The following EMCN variants were observed in gnomAD, a reference collection of about 807,000 sequenced individuals.
EMCN encodes MUC-14.
Under a neutral mutation model 38.4 loss-of-function variants are expected in EMCN, and 37 were observed. The ratio of observed to expected loss-of-function variants is 0.96; its 90% confidence interval spans 0.74 to 1.27. The LOEUF is 1.27. EMCN is among the 50% of genes most tolerant of loss of function. The probability of loss-of-function intolerance (pLI) is 0.00; values close to 1 mark genes in which losing one functional copy is unlikely to be tolerated. For missense variants in EMCN, 318 were observed against 302.8 expected (o/e 1.05, Z -0.37); for synonymous variants, 95 against 100.8 (o/e 0.94, Z 0.35).
At chr4:100,496,634 G>T (rs1457701497) in intron 1 of EMCN, among the ~76,000 whole-genome samples, 2 of 152,090 alleles carry the variant, frequency 1.3e-5, no homozygotes, top group African/African-American at 2.4e-5. Context: ...CTCTAGACAG[G>T]TATCATTAAC....
In EMCN at chr4:100,415,968, A is replaced by G; in HGVS notation, c.690-9T>C. 3 of 1,569,662 alleles carry G rather than the reference A, an allele frequency of 1.9e-6. No homozygotes were observed. Among genetic ancestry groups the G allele is most frequent in the Non-Finnish European group, 2.6e-6 (3 of 1,157,364 alleles). On this transcript the variant is annotated splice_polypyrimidine_tract_variant and intron_variant, in intron 9 of 11. Transcript: ENST00000296420. ...CTTTATCAGACTGAGGTCTATTTGA[A>G]AAAAAAAACATGAAATTAACACCAC...
chr4:100,451,766 G>T (rs1339896145), intron 4 of EMCN, among the ~76,000 whole-genome samples: 2 of 151,848 alleles, frequency 1.3e-5, no homozygotes, highest in South Asian at 2.1e-4. Context: ...TGTGAAATTG[G>T]TATCATATAT....
chr4:100,455,980 A>T (rs533244660), intron 4 of EMCN, among the ~76,000 whole-genome samples: 9 of 151,996 alleles, frequency 5.9e-5, no homozygotes, highest in Non-Finnish European at 1.2e-4. Context: ...TTTTTTGTAG[A>T]GACAGGGTTT....
Position 100,473,373 on chromosome 4 carries a change from G to GTTTTTTTTTTTTTTT in EMCN, c.259+1664_259+1665insAAAAAAAAAAAAAAA, listed in dbSNP as rs1256284835. Among the ~76,000 whole-genome samples the GTTTTTTTTTTTTTTT allele has an allele frequency of 1.2e-3, 80 of 66,006 alleles. 3 individuals are homozygous for GTTTTTTTTTTTTTTT. Among genetic ancestry groups the GTTTTTTTTTTTTTTT allele is most frequent in the East Asian group, 2.1e-3 (4 of 1,892 alleles). The allele number at this position is 66,006 out of a possible 152,430, so 43.3% of individuals were successfully genotyped here. ...GGCATTTCCCGTTTCGTGTTTTTTT[G>GTTTTTTTTTTTTTTT]TTTTTTTTTTTTGTTTTTTTTTTTG... On this transcript the variant is annotated intron_variant, in intron 3 of 11. Transcript: ENST00000296420.
intron 5 of EMCN, among the ~76,000 whole-genome samples, chr4:100,440,372 T>A (rs930629187): frequency 3.3e-5 from 5 of 152,110 alleles, no homozygotes; most frequent in African/African-American, 1.2e-4. Flanking sequence ...ATGTGCAGTT[T>A]GTATTCCTAG....
intron 7 of EMCN, 34 bp from the exon 8 acceptor site, chr4:100,421,411 G>A (rs953465392): frequency 1.3e-6 from 2 of 1,549,974 alleles, no homozygotes; most frequent in Non-Finnish European, 1.8e-6. Context: ...CAATTAGAGT[G>A]GCTACTGAAT....
intron 5 of EMCN, among the ~76,000 whole-genome samples, chr4:100,444,433 G>A (rs1727610686): frequency 6.6e-6 from 1 of 152,150 alleles, no homozygotes; most frequent in African/African-American, 2.4e-5. Flanking sequence ...TACTGCTCTA[G>A]TGTAAGTCTG....
At chr4:100,399,372 A>G (rs1726195268) in intron 11 of EMCN, among the ~76,000 whole-genome samples, 1 of 152,010 alleles carries the variant, frequency 6.6e-6, no homozygotes, top group Admixed American at 6.6e-5. Context: ...GGGGAGTGGT[A>G]CAAGTGGCGG....
intron 5 of EMCN, among the ~76,000 whole-genome samples, chr4:100,430,785 C>T (rs1727174728): frequency 1.3e-5 from 2 of 152,060 alleles, no homozygotes; most frequent in Admixed American, 6.6e-5. Flanking sequence ...GAAGTTTGTA[C>T]CAGACACGAT....
rs186642019 is a variant in EMCN, at chr4:100,397,822, T to G, written c.*591A>C. The G allele has an allele frequency of 6.6e-6, 1 of 152,234 alleles. No individual in the cohort carries two copies. Among genetic ancestry groups the G allele is most frequent in the Admixed American group, 6.5e-5 (1 of 15,274 alleles). 9.4% of individuals were successfully genotyped at this position (152,234 alleles called of 1,614,324 possible). A position where few individuals can be genotyped will look rare whatever the true frequency, so the allele number is the denominator to read the frequency against. The stretch of plus-strand genomic sequence containing the variant: ...TGCCATTTTCACAGTCATGTTATAG[T>G]ATTTTTAGAGTATTGAGTACAGTAG... On this transcript the variant is annotated 3_prime_UTR_variant, in exon 12 of 12. Coordinates refer to ENST00000296420, the MANE Select transcript of EMCN (RefSeq NM_016242.4).
intron 1 of EMCN, among the ~76,000 whole-genome samples, chr4:100,483,049 A>T (rs1728853853): frequency 6.6e-6 from 1 of 152,070 alleles, no homozygotes; most frequent in African/African-American, 2.4e-5. Flanking sequence ...TAACATCTCT[A>T]TTATTAGTTC....
rs572576140 is a variant in EMCN at position 100,506,554 on chromosome 4, G to A, written c.64+11297C>T. Among the ~76,000 whole-genome samples the A allele has an allele frequency of 6.3e-4, 96 of 151,436 alleles. 1 individual carries two copies. The highest frequency in any genetic ancestry group is 6.8e-3 in the Middle Eastern group (2 of 292). ...ATCTAACTGAATAATATCATGAGGG[G>A]ATATGAAGTCCAATTTGTCAAAAAA... On this transcript the variant is annotated intron_variant, in intron 1 of 11. Coordinates refer to ENST00000296420, the MANE Select transcript of EMCN (RefSeq NM_016242.4).
At chr4:100,445,821 A>T (rs1727655480) in intron 5 of EMCN, among the ~76,000 whole-genome samples, 1 of 152,162 alleles carries the variant, frequency 6.6e-6, no homozygotes, top group Non-Finnish European at 1.5e-5. Context: ...TTCATATTTG[A>T]AGTTTGAATG....
In EMCN at chr4:100,465,312, G is replaced by A. The variant is rs1482449593; in HGVS notation, c.376+111C>T. The A allele has an allele frequency of 4.8e-6, 3 of 623,280 alleles. 1 individual carries two copies. The highest frequency in any genetic ancestry group is 4.7e-5 in the South Asian group (2 of 42,258). 38.6% of individuals were successfully genotyped at this position (623,280 alleles called of 1,614,324 possible). A position where few individuals can be genotyped will look rare whatever the true frequency, so the allele number is the denominator to read the frequency against. The stretch of plus-strand genomic sequence containing the variant: ...TTGTTCTATTGGGTAGAGATTAAGA[G>A]ACAATTTAAGCAGAGCATAATTCCT... On this transcript the variant is annotated intron_variant, in intron 4 of 11. Coordinates refer to ENST00000296420, the MANE Select transcript of EMCN (RefSeq NM_016242.4).
intron 4 of EMCN, among the ~76,000 whole-genome samples, chr4:100,454,609 A>G (rs143412887): frequency 6.6e-6 from 1 of 152,326 alleles, no homozygotes; most frequent in East Asian, 1.9e-4. Context: ...TTTCTACTCT[A>G]AGTAATCTAA....
intron 1 of EMCN, among the ~76,000 whole-genome samples, chr4:100,491,842 T>C (rs1371041438): frequency 6.6e-6 from 1 of 152,230 alleles, no homozygotes; most frequent in African/African-American, 2.4e-5. Context: ...AGGCTCTCTC[T>C]GACCAGGGTT....
chr4:100,432,491 TA>T (rs1727231313), intron 5 of EMCN, among the ~76,000 whole-genome samples: 1 of 152,158 alleles, frequency 6.6e-6, no homozygotes, highest in Non-Finnish European at 1.5e-5. Context: ...CTCTTTTAGC[TA>T]GTGTACACAT....
At chr4:100,421,032 A>C (rs1393040395) in intron 8 of EMCN, among the ~76,000 whole-genome samples, 6 of 151,966 alleles carry the variant, frequency 3.9e-5, no homozygotes, top group Non-Finnish European at 8.8e-5. Flanking sequence ...CCACCCATAA[A>C]ATTTGGGCTA....
intron 5 of EMCN, among the ~76,000 whole-genome samples, chr4:100,435,000 A>C (rs1727310141): frequency 6.6e-6 from 1 of 152,192 alleles, no homozygotes; most frequent in Non-Finnish European, 1.5e-5. Flanking sequence ...ACTCCTATTC[A>C]ACATAGTATT....
Sources: gnomAD v4.1 joint callset for allele counts (sites outside exome capture counted in the v4.1 genomes callset) on GRCh38, gnomAD v4.1.1 for gene constraint, MANE v1.5 for transcripts, NCBI Gene and HGNC (gene_info 2026-07-23, HGNC 2026-07-21) for gene names.